SLC35F3: variants seen among roughly 807,000 people sequenced by gnomAD.
The protein encoded by SLC35F3 is solute carrier family 35 member F3, also known as putative thiamine transporter SLC35F3.
Under a neutral mutation model 49.9 loss-of-function variants are expected in SLC35F3, and 25 were observed. The ratio of observed to expected loss-of-function variants is 0.50; its 90% CI spans 0.37 to 0.70. The LOEUF (loss-of-function observed/expected upper bound fraction) is 0.70. Among genes scored for constraint, SLC35F3 ranks in the 30% least tolerant of loss-of-function variants. The probability of loss-of-function intolerance (pLI) is 0.00; values close to 1 mark genes in which losing one functional copy is unlikely to be tolerated. For synonymous variants in SLC35F3, 275 were observed against 265.4 expected (o/e 1.04, Z -0.35); for missense variants, 525 against 639.8 (o/e 0.82, Z 1.94).
At chr1:233,969,687 C>T (rs1326288451) in intron 2 of SLC35F3, among the ~76,000 whole-genome samples, 1 of 152,226 alleles carries the variant, frequency 6.6e-6, no homozygotes, top group Non-Finnish European at 1.5e-5. Flanking sequence ...GTTCGAATGA[C>T]TGCTAAGAAA....
rs1414017958 is a variant in SLC35F3 at position 233,990,964 on chromosome 1, G to A, written c.283+85206G>A. 2.6e-5 allele frequency among the ~76,000 whole-genome samples: 4 copies of A among 152,168 alleles called. No individual in the cohort carries two copies. In the South Asian group the frequency reaches 6.2e-4, roughly 24 times the overall value. Reference sequence around the variant, plus strand: ...AAATCTGCCCTTATGTAATAGAAGGGAACATCTGTATTCCACATCCTTTCA... The same window carrying A: ...AAATCTGCCCTTATGTAATAGAAGGAAACATCTGTATTCCACATCCTTTCA... On this transcript the variant is annotated intron_variant, in intron 2 of 7. Transcript: ENST00000366618.
chr1:234,300,768 G>A (rs1668680786), intron 3 of SLC35F3, among the ~76,000 whole-genome samples: 1 of 152,236 alleles, frequency 6.6e-6, no homozygotes, highest in South Asian at 2.1e-4. Flanking sequence ...CAGGGAAGAG[G>A]AGGATCTCTC....
chr1:234,231,706 G>T lies in SLC35F3; in HGVS notation c.573G>T (p.Lys191Asn). The T allele has an allele frequency of 2.5e-6, 4 of 1,613,614 alleles. No homozygotes were observed. Among genetic ancestry groups the T allele is most frequent in the African/African-American group, 2.7e-5 (2 of 75,050 alleles). ...FPLYYVGHVC[K>N]STEKQSVKQR... ...TGTACTACGTGGGGCACGTCTGCAA[G>T]TCCACAGAGAAGCAGTCTGTGAAGC... Residue 191 changes from lysine (K) to asparagine (N), a missense_variant, in exon 3 of 8, where the codon AAG becomes AAT. Lys to Asn is a moderately conservative substitution (Grantham distance 94). Transcript: ENST00000366618. This position sits in a 1 kb window ranked among gnomAD's most constrained non-coding sequence, Gnocchi z 5.4.
At chr1:234,001,568 A>G (rs1663554268) in intron 2 of SLC35F3, among the ~76,000 whole-genome samples, 1 of 152,222 alleles carries the variant, frequency 6.6e-6, no homozygotes, top group Non-Finnish European at 1.5e-5. Context: ...CAGGTATACA[A>G]GGTAGGTGTC....
chr1:233,974,578 C>CAA (rs1261971709), intron 2 of SLC35F3, among the ~76,000 whole-genome samples: 1 of 152,166 alleles, frequency 6.6e-6, no homozygotes, highest in Non-Finnish European at 1.5e-5. Flanking sequence ...CATAGTGGCC[C>CAA]AGTTAGCACT....
intron 2 of SLC35F3, among the ~76,000 whole-genome samples, chr1:234,154,300 G>A (rs1666119033): frequency 6.6e-6 from 1 of 152,194 alleles, no homozygotes; most frequent in African/African-American, 2.4e-5. Flanking sequence ...AAGGAGCTCA[G>A]ATGTAATGGG....
intron 2 of SLC35F3, among the ~76,000 whole-genome samples, chr1:233,979,720 T>C (rs1663149762): frequency 6.6e-6 from 1 of 152,200 alleles, no homozygotes; most frequent in Middle Eastern, 3.2e-3. Context: ...GTTAATGCAC[T>C]GGGGCCACCT....
intron 2 of SLC35F3, among the ~76,000 whole-genome samples, chr1:234,207,163 T>C (rs1045470837): frequency 1.3e-5 from 2 of 151,760 alleles, no homozygotes; most frequent in Non-Finnish European, 2.9e-5. Context: ...ATCTCCCTCC[T>C]CACCTTGAGT....
intron 2 of SLC35F3, among the ~76,000 whole-genome samples, chr1:234,209,482 A>G (rs1269560609): frequency 6.6e-6 from 1 of 152,154 alleles, no homozygotes; most frequent in Non-Finnish European, 1.5e-5. Flanking sequence ...GTTTTTAAAT[A>G]GGCATTCCCA....
chr1:234,065,605 G>A (rs769045949), intron 2 of SLC35F3, among the ~76,000 whole-genome samples: 19 of 152,106 alleles, frequency 1.2e-4, no homozygotes, highest in South Asian at 4.1e-4. Flanking sequence ...CAATATATGA[G>A]TCTGCCACGA....
chr1:234,136,936 G>C (rs987546619), intron 2 of SLC35F3, among the ~76,000 whole-genome samples: 2 of 152,144 alleles, frequency 1.3e-5, no homozygotes, highest in African/African-American at 4.8e-5. Flanking sequence ...TATCTCTAAG[G>C]GTTCCTTTTG....
Position 234,231,600 on chromosome 1 carries a change from C to T in SLC35F3, c.467C>T (p.Ala156Val), listed in dbSNP as rs1242014934. 2 of 1,614,092 alleles carry T rather than the reference C, an allele frequency of 1.2e-6. No homozygotes were observed. Among genetic ancestry groups the T allele is most frequent in the Non-Finnish European group, 1.7e-6 (2 of 1,180,026 alleles). Reference protein sequence around the residue: ...CSSWAGSTQLAKLTFRKFDAP... With the variant: ...CSSWAGSTQLVKLTFRKFDAP... ...TCGTGGGCGGGCTCCACGCAGCTCG[C>T]CAAGCTGACCTTCAGGAAGTTCGAC... The change falls in exon 3 of 8, where the codon GCC (alanine) becomes GTC (valine). Residue 156 changes from alanine (A) to valine (V), a missense_variant. Ala to Val is a moderately conservative substitution (Grantham distance 64). Around this residue, in one of 4 missense-constraint regions of SLC35F3, gnomAD observed 216 missense variants for 298.1 expected, o/e 0.72. Transcript: ENST00000366618. The surrounding 1 kb of genome is among the most constrained non-coding windows in gnomAD (Gnocchi z 5.4).
At chr1:234,243,399 AT>A (rs1413344529) in intron 3 of SLC35F3, among the ~76,000 whole-genome samples, 1 of 152,212 alleles carries the variant, frequency 6.6e-6, no homozygotes, top group Non-Finnish European at 1.5e-5. Context: ...CGTATCCCCA[AT>A]AACACTTTAT....
chr1:233,950,756 C>T (rs1257961467), intron 2 of SLC35F3, among the ~76,000 whole-genome samples: 1 of 152,112 alleles, frequency 6.6e-6, no homozygotes, highest in Non-Finnish European at 1.5e-5. Flanking sequence ...TATTTTTTCT[C>T]ATCAGAGTTT....
intron 3 of SLC35F3, among the ~76,000 whole-genome samples, chr1:234,268,059 C>A (rs1198477234): frequency 6.6e-6 from 1 of 151,850 alleles, no homozygotes; most frequent in Admixed American, 6.6e-5. Flanking sequence ...GGGTGGCGGC[C>A]GGGCAGAGGC....
intron 4 of SLC35F3, among the ~76,000 whole-genome samples, chr1:234,309,627 C>G (rs569636627): frequency 3.3e-5 from 5 of 152,382 alleles, no homozygotes; most frequent in African/African-American, 1.2e-4. Flanking sequence ...GTGCTCCGCT[C>G]TCTGCGTGCT....
intron 2 of SLC35F3, among the ~76,000 whole-genome samples, chr1:234,121,076 AT>A (rs928143264): frequency 1.5e-4 from 22 of 146,246 alleles, no homozygotes; most frequent in African/African-American, 4.5e-4. Context: ...GCCCATGATA[AT>A]TTTTTTTTCT....
chr1:234,165,710 A>AT (rs1444240741), intron 2 of SLC35F3, among the ~76,000 whole-genome samples: 3 of 151,796 alleles, frequency 2.0e-5, no homozygotes, highest in African/African-American at 4.8e-5. Context: ...TTTAATTTTG[A>AT]TTTTTTTATT....
intron 2 of SLC35F3, among the ~76,000 whole-genome samples, chr1:233,982,288 C>T (rs1420785406): frequency 6.6e-6 from 1 of 152,204 alleles, no homozygotes; most frequent in Non-Finnish European, 1.5e-5. Flanking sequence ...GTGAACTGTA[C>T]TATCAGTCCA....
Sources: allele counts gnomAD v4.1 joint callset (sites outside exome capture counted in the v4.1 genomes callset), GRCh38; gene constraint gnomAD v4.1.1; regional missense constraint gnomAD v4.1.1; non-coding constraint Gnocchi (gnomAD v3.1); transcripts MANE v1.5; gene names NCBI Gene and HGNC (gene_info 2026-07-23, HGNC 2026-07-21).